The following NAP1L1 variants were observed in gnomAD, a reference collection of about 807,000 sequenced individuals.
NAP1L1 encodes the protein nucleosome assembly protein 1-like 1.
In NAP1L1, 9 loss-of-function variants were observed where a neutral mutation model predicts 58.9. That is an observed-to-expected ratio of 0.15 (90% CI 0.09 to 0.27). The LOEUF (loss-of-function observed/expected upper bound fraction) is 0.27. Ranked by LOEUF, NAP1L1 falls within the 10% of genes least tolerant of loss-of-function variation. The probability of loss-of-function intolerance (pLI) is 1.00; values close to 1 mark genes in which losing one functional copy is unlikely to be tolerated. For synonymous variants in NAP1L1, 130 were observed against 138.3 expected, an observed-to-expected ratio of 0.94 and a Z score of 0.42; for missense variants, 302 against 458.8, an observed-to-expected ratio of 0.66 and a Z score of 3.12.
Position 76,059,787 on chromosome 12 carries a change from T to C in NAP1L1, c.429+11A>G, listed in dbSNP as rs1018072200. On this transcript the variant is annotated intron_variant, in intron 6 of 14. Transcript: ENST00000618691. Reference sequence around the variant, plus strand: ...ATCTTAAAAACATACCAAAATAAAGTTGGTACTAACCGAAATCTCATCTTC... The same window carrying C: ...ATCTTAAAAACATACCAAAATAAAGCTGGTACTAACCGAAATCTCATCTTC... 3.2e-6 allele frequency: 5 copies of C among 1,571,348 alleles called. No homozygotes were observed. Among genetic ancestry groups the C allele is most frequent in the African/African-American group, 2.7e-5 (2 of 73,378 alleles).
Position 76,047,640 on chromosome 12 carries a change from A to T in NAP1L1, c.*789T>A, listed in dbSNP as rs1461873509. Reference sequence around the variant, plus strand: ...TTTAGCTGCAAAAACAAAAACAAGCAAACAAACAACAAATAACTTGAAAAT... The same window carrying T: ...TTTAGCTGCAAAAACAAAAACAAGCTAACAAACAACAAATAACTTGAAAAT... On this transcript the variant is annotated 3_prime_UTR_variant, in exon 15 of 15. Transcript: ENST00000618691. The T allele has an allele frequency of 1.3e-5, 2 of 152,048 alleles. No homozygotes were observed. Among genetic ancestry groups the T allele is most frequent in the Admixed American group, 6.6e-5 (1 of 15,262 alleles). The allele number at this position is 152,048 out of a possible 1,614,324, so 9.4% of individuals were successfully genotyped here.
intron 1 of NAP1L1, among the ~76,000 whole-genome samples, chr12:76,078,948 A>T (rs1331972860): frequency 6.6e-6 from 1 of 152,130 alleles, no homozygotes; most frequent in Non-Finnish European, 1.5e-5. Context: ...AGATTCAAGT[A>T]GCCCTACAAA....
rs1274471519 is a variant in NAP1L1 at position 76,048,283 on chromosome 12, G to T, written c.*146C>A. On this transcript the variant is annotated 3_prime_UTR_variant, in exon 15 of 15. Coordinates refer to ENST00000618691, the MANE Select transcript of NAP1L1 (RefSeq NM_004537.7). The stretch of plus-strand genomic sequence containing the variant: ...GTTAAAATGCTAGGTAGAACAAATT[G>T]GTCTTTAAAATATCAGTTTCCTGTC... 4 of 785,336 alleles carry T rather than the reference G, an allele frequency of 5.1e-6. No individual in the cohort carries two copies. The highest frequency in any genetic ancestry group is 8.1e-6 in the Non-Finnish European group (4 of 495,266). 48.6% of individuals were successfully genotyped at this position (785,336 alleles called of 1,614,324 possible).
chr12:76,076,549 A>AATTAT (rs1301958068), intron 1 of NAP1L1, among the ~76,000 whole-genome samples: 2 of 120,610 alleles, frequency 1.7e-5, no homozygotes, highest in Admixed American at 8.7e-5. Flanking sequence ...TGGATATGGA[A>AATTAT]ATATATATAT....
In NAP1L1 at chr12:76,067,477, T is replaced by TA. The variant is rs3214625; in HGVS notation, c.104-5dup. On this transcript the variant is annotated splice_polypyrimidine_tract_variant and splice_region_variant and intron_variant, in intron 3 of 14. Coordinates refer to ENST00000618691, the MANE Select transcript of NAP1L1 (RefSeq NM_004537.7). ...ATCTGAACAGTTAGCTGACGTGCTT[T>TA]AAAAAAAAAAGGGCATCGAAAGAAG... 0.36 allele frequency: 499,948 copies of TA among 1,402,140 alleles called. 45,821 individuals are homozygous for TA. Among genetic ancestry groups the TA allele is most frequent in the East Asian group, 0.41 (16,163 of 39,756 alleles). The allele number at this position is 1,402,140 out of a possible 1,614,324, so 86.9% of individuals were successfully genotyped here.
intron 2 of NAP1L1, among the ~76,000 whole-genome samples, chr12:76,070,214 C>A (rs145134019): frequency 7.2e-5 from 11 of 152,126 alleles, no homozygotes; most frequent in Non-Finnish European, 1.0e-4. Flanking sequence ...CCTCTGCCCC[C>A]CAAGCTCAAG....
rs1011412421 is a variant in NAP1L1 at position 76,041,985 on chromosome 12, T to C, written c.*6444A>G. ...AAAGTAAACAGCATATGAAAACACA[T>C]GTATTAAAATAAAACAAGAAAGGAA... is the stretch of plus-strand genomic sequence containing the variant. On this transcript the variant is annotated 3_prime_UTR_variant, in exon 15 of 15. Transcript: ENST00000618691. 6.6e-6 allele frequency: 1 copy of C among 152,170 alleles called. No homozygotes were observed. Among genetic ancestry groups the C allele is most frequent in the Admixed American group, 6.5e-5 (1 of 15,282 alleles). The allele number at this position is 152,170 out of a possible 1,614,324, so 9.4% of individuals were successfully genotyped here.
intron 1 of NAP1L1, among the ~76,000 whole-genome samples, chr12:76,082,345 GT>G (rs1202889018): frequency 6.6e-6 from 1 of 152,122 alleles, no homozygotes; most frequent in African/African-American, 2.4e-5. Flanking sequence ...GATTACATTA[GT>G]TATGGTACAG....
At chr12:76,064,729 T>A (rs1949583415) in intron 4 of NAP1L1, among the ~76,000 whole-genome samples, 1 of 151,886 alleles carries the variant, frequency 6.6e-6, no homozygotes, top group Non-Finnish European at 1.5e-5. Context: ...TAAACCTAAA[T>A]ATGTACATGT....
At chr12:76,058,822 C>A (rs1281135382) in intron 6 of NAP1L1, among the ~76,000 whole-genome samples, 1 of 152,124 alleles carries the variant, frequency 6.6e-6, no homozygotes, top group Non-Finnish European at 1.5e-5. Context: ...AATAATATGT[C>A]TCCTTGCTTC....
chr12:76,053,667 G>A, intron 9 of NAP1L1, 103 bp downstream of exon 9: 3 of 1,352,220 alleles, frequency 2.2e-6, no homozygotes, highest in Admixed American at 2.6e-5. Flanking sequence ...AAAATGTTCA[G>A]AGACAGACTA....
chr12:76,056,227 T>C (rs770035896), intron 6 of NAP1L1, 66 bp from the exon 7 acceptor site: 32 of 1,504,886 alleles, frequency 2.1e-5, no homozygotes, highest in Non-Finnish European at 2.8e-5. Flanking sequence ...GTAGCAAAGG[T>C]ATAAAAACCA....
At chr12:76,059,000 G>GT (rs1444272402) in intron 6 of NAP1L1, among the ~76,000 whole-genome samples, 1 of 152,192 alleles carries the variant, frequency 6.6e-6, no homozygotes, top group Non-Finnish European at 1.5e-5. Flanking sequence ...TTAAAACCAC[G>GT]TATGTGCACT....
At chr12:76,081,823 T>C (rs1241973088) in intron 1 of NAP1L1, among the ~76,000 whole-genome samples, 1 of 152,218 alleles carries the variant, frequency 6.6e-6, no homozygotes, top group Non-Finnish European at 1.5e-5. Context: ...CAAAAACTTA[T>C]TTAGATGAAA....
intron 1 of NAP1L1, among the ~76,000 whole-genome samples, chr12:76,075,336 C>T (rs1950134501): frequency 6.6e-6 from 1 of 152,086 alleles, no homozygotes; most frequent in African/African-American, 2.4e-5. Flanking sequence ...TAAATAGAAT[C>T]AAGTTATCTG....
chr12:76,052,488 A>C (rs1402079692), intron 11 of NAP1L1, among the ~76,000 whole-genome samples: 2 of 152,222 alleles, frequency 1.3e-5, no homozygotes, highest in African/African-American at 4.8e-5. Context: ...AAAAGTATTC[A>C]GTTTAGGTTA....
At chr12:76,076,907 T>C (rs968051693) in intron 1 of NAP1L1, among the ~76,000 whole-genome samples, 4 of 152,144 alleles carry the variant, frequency 2.6e-5, no homozygotes, top group African/African-American at 9.7e-5. Context: ...TTGAATACCA[T>C]AGGCAACTTT....
At position 76,045,580 on chromosome 12, in the gene NAP1L1, G is replaced by A. The variant is rs904517958; in HGVS notation, c.*2849C>T. ...AGAGGTAGAATCCCATTTTTCTTAA[G>A]TACCACTCTACAAGCCAGTTCCACA... is the stretch of plus-strand genomic sequence containing the variant. On this transcript the variant is annotated 3_prime_UTR_variant, in exon 15 of 15. Coordinates refer to ENST00000618691, the MANE Select transcript of NAP1L1 (RefSeq NM_004537.7). The A allele has an allele frequency of 6.6e-6, 1 of 151,924 alleles. No individual in the cohort carries two copies. Among genetic ancestry groups the A allele is most frequent in the Non-Finnish European group, 1.5e-5 (1 of 67,906 alleles). 9.4% of individuals were successfully genotyped at this position (151,924 alleles called of 1,614,324 possible). A position where few individuals can be genotyped will look rare whatever the true frequency, so the allele number is the denominator to read the frequency against.
intron 4 of NAP1L1, among the ~76,000 whole-genome samples, chr12:76,066,268 C>T (rs973899462): frequency 6.6e-6 from 1 of 151,872 alleles, no homozygotes; most frequent in African/African-American, 2.4e-5. Flanking sequence ...TGAAACTATT[C>T]AATACGAAAT....
Sources: allele counts gnomAD v4.1 joint callset (sites outside exome capture counted in the v4.1 genomes callset), GRCh38; gene constraint gnomAD v4.1.1; transcripts MANE v1.5; gene names NCBI Gene and HGNC (gene_info 2026-07-23, HGNC 2026-07-21).